CNTN4: variants seen among roughly 807,000 people sequenced by gnomAD.
CNTN4 encodes the protein contactin 4, also known as contactin-4.
CNTN4 carries 77 observed loss-of-function variants against 122.5 expected under a neutral mutation model. The observed-to-expected ratio is 0.63, with a 90% CI of 0.52 to 0.76. CNTN4 has a LOEUF of 0.76. Among genes scored for constraint, CNTN4 ranks in the 30% least tolerant of loss-of-function variants. The pLI, the probability that CNTN4 is intolerant of heterozygous loss-of-function variation, is 0.00. For missense variants in CNTN4, 1,256 were observed against 1,259.1 expected (o/e 1.00, Z 0.04); for synonymous variants, 512 against 447.0 (o/e 1.15, Z -1.83).
At chr3:2,342,955 C>T (rs1666326) in intron 3 of CNTN4, among the ~76,000 whole-genome samples, 41 of 151,940 alleles carry the variant, frequency 2.7e-4, no homozygotes, top group African/African-American at 7.0e-4. Context: ...CTGACTGCTA[C>T]GATTTCTTTT....
Position 2,903,115 on chromosome 3 carries a change from C to A in CNTN4, c.1207+110C>A. 3.7e-6 allele frequency: 4 copies of A among 1,094,938 alleles called. No homozygotes were observed. The South Asian group carries it at 5.6e-5, about 15-fold the overall frequency. The allele number at this position is 1,094,938 out of a possible 1,614,324, so 67.8% of individuals were successfully genotyped here. On this transcript the variant is annotated intron_variant, in intron 12 of 24. Transcript: ENST00000418658. Reference sequence around the variant, plus strand: ...AATCCAAGAAAAGGAGTAAAGAAATCTTTAGGCCAAAGATGCTACTCAAGA... The same window carrying A: ...AATCCAAGAAAAGGAGTAAAGAAATATTTAGGCCAAAGATGCTACTCAAGA...
chr3:3,002,999 C>T (rs1236086602), intron 14 of CNTN4, among the ~76,000 whole-genome samples: 1 of 152,134 alleles, frequency 6.6e-6, no homozygotes, highest in Non-Finnish European at 1.5e-5. Context: ...CGGTTTGCCT[C>T]GATCTTCATA....
At chr3:3,045,000 G>A (rs189182298) in intron 23 of CNTN4, among the ~76,000 whole-genome samples, 69 of 152,258 alleles carry the variant, frequency 4.5e-4, no homozygotes, top group Non-Finnish European at 8.4e-4. Flanking sequence ...TCCCATGCCC[G>A]GCTCAGAGGG....
At chr3:2,173,119 G>A (rs1356474920) in intron 2 of CNTN4, among the ~76,000 whole-genome samples, 2 of 152,152 alleles carry the variant, frequency 1.3e-5, no homozygotes, top group Non-Finnish European at 2.9e-5. Flanking sequence ...TCAATGATTA[G>A]CATTAGAACA....
intron 3 of CNTN4, among the ~76,000 whole-genome samples, chr3:2,414,005 G>A (rs770576411): frequency 6.6e-5 from 10 of 152,078 alleles, no homozygotes; most frequent in Non-Finnish European, 8.8e-5. Context: ...GGTGCCATTC[G>A]TTGAATACCG....
chr3:3,015,887 C>G (rs989890645), intron 14 of CNTN4, among the ~76,000 whole-genome samples: 1 of 152,184 alleles, frequency 6.6e-6, no homozygotes, highest in Non-Finnish European at 1.5e-5. Context: ...CAGATGCAAT[C>G]ACACATTCCT....
chr3:2,306,105 G>C (rs1270378098), intron 2 of CNTN4, among the ~76,000 whole-genome samples: 1 of 152,086 alleles, frequency 6.6e-6, no homozygotes, highest in Non-Finnish European at 1.5e-5. Context: ...TTGTGTACAA[G>C]GTTTTGTGTG....
At chr3:2,480,263 G>A (rs2075953724) in intron 3 of CNTN4, among the ~76,000 whole-genome samples, 1 of 151,582 alleles carries the variant, frequency 6.6e-6, no homozygotes, top group South Asian at 2.1e-4. Flanking sequence ...GATGTTTTTA[G>A]CTAATGCAAC....
rs552958735 is a variant in CNTN4, at chr3:2,115,914, G to A, written c.-145+15275G>A. On this transcript the variant is annotated intron_variant, in intron 2 of 24. Transcript: ENST00000418658. Reference sequence around the variant, plus strand: ...GAAATTGTTATCACAGTTAGGGTGGGCATTTAGCTTTTTGTGCCTAGCCTG... The same window carrying A: ...GAAATTGTTATCACAGTTAGGGTGGACATTTAGCTTTTTGTGCCTAGCCTG... 3.9e-5 allele frequency among the ~76,000 whole-genome samples: 6 copies of A among 152,266 alleles called. No individual in the cohort carries two copies. In the South Asian group the frequency reaches 1.0e-3, roughly 26 times the overall value.
intron 2 of CNTN4, among the ~76,000 whole-genome samples, chr3:2,293,438 G>C (rs1026977920): frequency 6.6e-6 from 1 of 152,176 alleles, no homozygotes; most frequent in Non-Finnish European, 1.5e-5. Flanking sequence ...GAATGGCATA[G>C]TATTTATTGC....
intron 4 of CNTN4, among the ~76,000 whole-genome samples, chr3:2,671,911 C>G (rs2084540347): frequency 2.9e-5 from 3 of 104,162 alleles, no homozygotes; most frequent in South Asian, 6.4e-4. Flanking sequence ...TGCAAAACAG[C>G]AAATATTGCT....
At chr3:2,239,332 G>T (rs2039833629) in intron 2 of CNTN4, among the ~76,000 whole-genome samples, 1 of 152,186 alleles carries the variant, frequency 6.6e-6, no homozygotes, top group Non-Finnish European at 1.5e-5. Context: ...ATTAATTAAT[G>T]AGTATAACAT....
intron 6 of CNTN4, among the ~76,000 whole-genome samples, chr3:2,752,099 TTC>T (rs150526492): frequency 0.018 from 2,720 of 152,290 alleles, 99 homozygotes; most frequent in African/African-American, 0.063. Flanking sequence ...TTTTTGTCTG[TTC>T]TCTCTTCCAT....
intron 13 of CNTN4, among the ~76,000 whole-genome samples, chr3:2,986,916 G>C (rs1694632489): frequency 6.6e-6 from 1 of 152,154 alleles, no homozygotes; most frequent in African/African-American, 2.4e-5. Context: ...CATGTGATAA[G>C]ACAACTAAGA....
chr3:2,608,744 C>G (rs751480710), intron 4 of CNTN4, among the ~76,000 whole-genome samples: 1 of 152,194 alleles, frequency 6.6e-6, no homozygotes, highest in Non-Finnish European at 1.5e-5. Flanking sequence ...GCCTGGCCTC[C>G]CAGAGTCCTG....
chr3:3,049,123 C>T (rs937458010), intron 23 of CNTN4, among the ~76,000 whole-genome samples: 7 of 152,208 alleles, frequency 4.6e-5, no homozygotes, highest in South Asian at 2.1e-4. Context: ...CCCTCTGTCA[C>T]GCAAGGTGGA....
intron 16 of CNTN4, among the ~76,000 whole-genome samples, chr3:3,031,229 A>G (rs567541029): frequency 6.6e-6 from 1 of 152,332 alleles, no homozygotes; most frequent in Non-Finnish European, 1.5e-5. Flanking sequence ...CGAGTACCCG[A>G]TTACGGCTGT....
At chr3:2,354,808 C>T (rs1253364032) in intron 3 of CNTN4, among the ~76,000 whole-genome samples, 1 of 152,154 alleles carries the variant, frequency 6.6e-6, no homozygotes, top group Non-Finnish European at 1.5e-5. Flanking sequence ...ACCTACTCTT[C>T]CTTATCAAAC....
intron 3 of CNTN4, among the ~76,000 whole-genome samples, chr3:2,568,529 G>A (rs1217649444): frequency 6.6e-6 from 1 of 152,128 alleles, no homozygotes; most frequent in Non-Finnish European, 1.5e-5. Context: ...AGAGCTCACA[G>A]CTGCAGGGGA....
Sources: gnomAD v4.1 joint callset for allele counts (sites outside exome capture counted in the v4.1 genomes callset) on GRCh38, gnomAD v4.1.1 for gene constraint, MANE v1.5 for transcripts, NCBI Gene and HGNC (gene_info 2026-07-23, HGNC 2026-07-21) for gene names.